The following DGKH variants were observed in gnomAD, a reference collection of about 807,000 sequenced individuals.
The protein encoded by DGKH is diacylglycerol kinase eta.
In DGKH, 90 loss-of-function variants were observed where a neutral mutation model predicts 159.3. That is an observed-to-expected ratio of 0.57 (90% CI 0.48 to 0.67). DGKH has a LOEUF of 0.67. Among genes scored for constraint, DGKH ranks in the 30% least tolerant of loss-of-function variants. The pLI is 0.00. For synonymous variants in DGKH, 536 were observed against 553.8 expected, an observed-to-expected ratio of 0.97 and a Z score of 0.45; for missense variants, 1,181 against 1,506.1, an observed-to-expected ratio of 0.78 and a Z score of 3.57.
chr13:42,044,436 C>T (rs778129065), upstream of DGKH, among the ~76,000 whole-genome samples: 1 of 152,078 alleles, frequency 6.6e-6, no homozygotes, highest in Non-Finnish European at 1.5e-5. Context: ...ATTACAGGCG[C>T]GTGCCACCAT....
intron 7 of DGKH, among the ~76,000 whole-genome samples, chr13:42,163,696 T>C (rs1271380119): frequency 1.3e-5 from 2 of 152,132 alleles, no homozygotes; most frequent in East Asian, 3.8e-4. Context: ...TTTGCCCACT[T>C]TTTGATGGGG....
intron 10 of DGKH, 41 bp downstream of exon 10, chr13:42,168,589 A>G: frequency 1.2e-6 from 2 of 1,613,008 alleles, no homozygotes; most frequent in Non-Finnish European, 1.7e-6. Flanking sequence ...ACATGAATGC[A>G]TACTAACATA....
intron 1 of DGKH, among the ~76,000 whole-genome samples, chr13:42,056,592 A>G (rs1881778514): frequency 6.6e-6 from 1 of 152,238 alleles, no homozygotes; most frequent in Admixed American, 6.5e-5. Context: ...AAGTTTGAAT[A>G]TCTGCTGAGT....
rs778615031 is a variant in DGKH at position 42,155,651 on chromosome 13, C to A, written c.490-16C>A. 6.2e-7 allele frequency: 1 copy of A among 1,614,114 alleles called. No homozygotes were observed. The highest frequency in any genetic ancestry group is 8.5e-7 in the Non-Finnish European group (1 of 1,179,994). ...TTCACTGGCTTGGCAAATCTGTCCTCACATCTCATTTCTAGGTGGCCCAGT... is the reference window on the plus strand; with the variant it reads ...TTCACTGGCTTGGCAAATCTGTCCTAACATCTCATTTCTAGGTGGCCCAGT... On this transcript the variant is annotated splice_polypyrimidine_tract_variant and intron_variant, in intron 4 of 29. Transcript: ENST00000337343.
intron 5 of DGKH, 133 bp downstream of exon 5, chr13:42,155,932 A>T (rs1182595363): frequency 9.5e-7 from 1 of 1,049,992 alleles, no homozygotes; most frequent in African/African-American, 1.6e-5. Flanking sequence ...TTGCTCAGGA[A>T]AAAAAAACAT....
chr13:42,251,739 G>A (rs1357341271), intron 29 of DGKH, among the ~76,000 whole-genome samples: 1 of 151,966 alleles, frequency 6.6e-6, no homozygotes, highest in East Asian at 1.9e-4. Context: ...AGTCTCACGG[G>A]GACCCTCAAC....
In DGKH at chr13:42,168,741, AG is replaced by A; in HGVS notation, c.1292del (p.Gly431ValfsTer13). 6.2e-7 allele frequency: 1 copy of A among 1,614,114 alleles called. No individual in the cohort carries two copies. Among genetic ancestry groups the A allele is most frequent in the Non-Finnish European group, 8.5e-7 (1 of 1,180,016 alleles). ...ACCTTGCCCGAGTTCTTGGCTGGGG[AG>A]GTTCATATGACGATGACACCCAACT... is the stretch of plus-strand genomic sequence containing the variant. ...NDLARVLGWG[G>X]SYDDDTQLPQ... On this transcript the variant is annotated frameshift_variant, in exon 11 of 30. Transcript: ENST00000337343. LOFTEE classifies it high-confidence loss of function.
At chr13:42,228,396 AT>A (rs1958189967) in intron 29 of DGKH, among the ~76,000 whole-genome samples, 1 of 152,226 alleles carries the variant, frequency 6.6e-6, no homozygotes, top group African/African-American at 2.4e-5. Flanking sequence ...ATTAAATTAA[AT>A]ATTCCTCTCA....
In DGKH at chr13:42,222,123, T is replaced by C. The variant is rs117932312; in HGVS notation, c.3573+729T>C. ...TATTCTGTGGGTGAAGTCTCAGTAG[T>C]AGTAGAAACAGCTGAAGTAGGCTCT... On this transcript the variant is annotated intron_variant, in intron 29 of 29. Transcript: ENST00000337343. Among the ~76,000 whole-genome samples, 833 of 152,298 alleles carry C rather than the reference T, an allele frequency of 5.5e-3. 10 individuals are homozygous for C. The highest frequency in any genetic ancestry group is 0.037 in the Middle Eastern group (11 of 294).
intron 20 of DGKH, 75 bp from the exon 21 acceptor site, chr13:42,205,964 T>C: frequency 1.2e-6 from 1 of 855,734 alleles, no homozygotes; most frequent in South Asian, 4.6e-5. Context: ...TCTTTAGTGT[T>C]TTAGTATCTT....
At chr13:42,083,233 A>G (rs1402351491) in intron 1 of DGKH, among the ~76,000 whole-genome samples, 3 of 152,174 alleles carry the variant, frequency 2.0e-5, no homozygotes, top group Non-Finnish European at 4.4e-5. Flanking sequence ...AAAAACAAAA[A>G]CACAAAAAAA....
rs144477890 is a variant in DGKH at position 42,170,632 on chromosome 13, A to G, written c.1367+1814A>G. ...AATATTTTATTCCTATGTTTCCTTTATTAATTTACTGTTTGTAAAGAACAA... is the reference window on the plus strand; with the variant it reads ...AATATTTTATTCCTATGTTTCCTTTGTTAATTTACTGTTTGTAAAGAACAA... On this transcript the variant is annotated intron_variant, in intron 11 of 29. Coordinates refer to ENST00000337343, the MANE Select transcript of DGKH (RefSeq NM_178009.5). Among the ~76,000 whole-genome samples the G allele has an allele frequency of 5.4e-3, 828 of 152,110 alleles. 2 individuals carry two copies. Among genetic ancestry groups the G allele is most frequent in the Non-Finnish European group, 9.4e-3 (636 of 67,950 alleles).
At chr13:42,190,582 A>T in intron 16 of DGKH, 57 bp downstream of exon 16, 1 of 1,519,930 alleles carries the variant, frequency 6.6e-7, no homozygotes, top group Non-Finnish European at 8.8e-7. Context: ...TTTTGCTTTT[A>T]GTTTTCAAAA....
chr13:42,217,232 A>C (rs1263495447), intron 26 of DGKH, among the ~76,000 whole-genome samples: 1 of 152,174 alleles, frequency 6.6e-6, no homozygotes, highest in African/African-American at 2.4e-5. Flanking sequence ...AAAATTAATA[A>C]ATTTTAAACA....
chr13:42,086,750 TA>T (rs1186147937), intron 1 of DGKH, among the ~76,000 whole-genome samples: 6 of 152,046 alleles, frequency 3.9e-5, no homozygotes, highest in African/African-American at 1.4e-4. Context: ...AAAAGCAATG[TA>T]AGAAACAAAC....
At chr13:42,049,305 A>C (rs886816912) in intron 1 of DGKH, among the ~76,000 whole-genome samples, 2 of 151,952 alleles carry the variant, frequency 1.3e-5, no homozygotes, top group South Asian at 4.2e-4. Context: ...AGGCGGGTGC[A>C]GGGAACCCGC....
chr13:42,254,443 C>A (rs1307093887), intron 30 of DGKH, among the ~76,000 whole-genome samples: 2 of 151,952 alleles, frequency 1.3e-5, no homozygotes, highest in Non-Finnish European at 2.9e-5. Context: ...ACCAGCCTGG[C>A]CAACATGGTG....
intron 17 of DGKH, among the ~76,000 whole-genome samples, chr13:42,196,328 G>A (rs1210465885): frequency 6.6e-6 from 1 of 152,124 alleles, no homozygotes; most frequent in African/African-American, 2.4e-5. Flanking sequence ...GAAAATACAT[G>A]TCTACACAAA....
Position 42,231,180 on chromosome 13 carries a change from C to T in DGKH, c.*1992C>T, listed in dbSNP as rs1327793218. 3 of 152,000 alleles carry T rather than the reference C, an allele frequency of 2.0e-5. No individual in the cohort carries two copies. The highest frequency in any genetic ancestry group is 4.4e-5 in the Non-Finnish European group (3 of 68,048). The allele number at this position is 152,000 out of a possible 1,614,324, so 9.4% of individuals were successfully genotyped here. On this transcript the variant is annotated 3_prime_UTR_variant, in exon 30 of 30. Coordinates refer to ENST00000337343, the MANE Select transcript of DGKH (RefSeq NM_178009.5). ...GACCAGCCTGACCAGTGTATGAAAC[C>T]CCATCTCTACTAAAAATACAAAAAT...
Sources: gnomAD v4.1 joint callset for allele counts (sites outside exome capture counted in the v4.1 genomes callset) on GRCh38, gnomAD v4.1.1 for gene constraint, MANE v1.5 for transcripts, NCBI Gene and HGNC (gene_info 2026-07-23, HGNC 2026-07-21) for gene names.